The following SLCO1C1 variants were observed in gnomAD, a reference collection of about 807,000 sequenced individuals.
SLCO1C1 encodes the protein solute carrier organic anion transporter family member 1C1.
In SLCO1C1, 70 loss-of-function variants were observed where a neutral mutation model predicts 76.4. The observed-to-expected ratio is 0.92, with a 90% CI of 0.76 to 1.12. SLCO1C1 has a LOEUF of 1.12. Among genes scored for constraint, SLCO1C1 ranks in the 50% most tolerant of loss-of-function variants. The probability of loss-of-function intolerance (pLI) is 0.00; values close to 1 mark genes in which losing one functional copy is unlikely to be tolerated. For missense variants in SLCO1C1, 912 were observed against 823.8 expected, an observed-to-expected ratio of 1.11 and a Z score of -1.31; for synonymous variants, 306 against 286.1, an observed-to-expected ratio of 1.07 and a Z score of -0.70.
chr12:20,696,465 C>T (rs34000404), intron 1 of SLCO1C1, among the ~76,000 whole-genome samples: 4,824 of 152,188 alleles, frequency 0.032, 104 homozygotes, highest in Middle Eastern at 0.058. Flanking sequence ...GATCTAACTA[C>T]AACCTTCCTA....
intron 12 of SLCO1C1, 142 bp from the exon 13 acceptor site, chr12:20,743,163 A>G: frequency 4.5e-6 from 3 of 660,856 alleles, no homozygotes; most frequent in South Asian, 2.3e-5. Context: ...TGCCCTCCCT[A>G]TGTTAGCACA....
chr12:20,725,812 T>C (rs1333327381), intron 9 of SLCO1C1, among the ~76,000 whole-genome samples: 1 of 151,936 alleles, frequency 6.6e-6, no homozygotes, highest in Non-Finnish European at 1.5e-5. Flanking sequence ...CACTTGGAAT[T>C]GTCAATTCTT....
At chr12:20,717,040 C>A (rs1390992970) in intron 6 of SLCO1C1, 92 bp from the exon 7 acceptor site, 6 of 1,118,518 alleles carry the variant, frequency 5.4e-6, no homozygotes, top group Middle Eastern at 2.1e-4. Context: ...GAGCTACTGA[C>A]TGGATCACAC....
At chr12:20,730,237 T>C (rs569684144) in intron 9 of SLCO1C1, among the ~76,000 whole-genome samples, 1 of 152,332 alleles carries the variant, frequency 6.6e-6, no homozygotes, top group South Asian at 2.1e-4. Flanking sequence ...GACCCTGCTG[T>C]TTGTGTCAGC....
intron 10 of SLCO1C1, among the ~76,000 whole-genome samples, chr12:20,735,645 G>C (rs750020073): frequency 3.9e-5 from 6 of 151,958 alleles, no homozygotes; most frequent in Admixed American, 6.6e-5. Flanking sequence ...ACACTATTTG[G>C]AGACATCTCA....
chr12:20,711,850 T>G lies in SLCO1C1; in HGVS notation c.529+340T>G, dbSNP rs139794889. On this transcript the variant is annotated intron_variant, in intron 5 of 14. Coordinates refer to ENST00000266509, the MANE Select transcript of SLCO1C1 (RefSeq NM_017435.5). ...TTGCTCAGATATGAAAGAAGTATAATTTTTCCCGTAAGTCAACTTAATTTC... is the reference window on the plus strand; with the variant it reads ...TTGCTCAGATATGAAAGAAGTATAAGTTTTCCCGTAAGTCAACTTAATTTC... 1.3e-4 allele frequency among the ~76,000 whole-genome samples: 20 copies of G among 152,324 alleles called. No individual in the cohort carries two copies. The East Asian group carries it at 3.7e-3, about 28-fold the overall frequency.
chr12:20,727,634 C>T (rs546505066), intron 9 of SLCO1C1, among the ~76,000 whole-genome samples: 2 of 152,284 alleles, frequency 1.3e-5, no homozygotes, highest in South Asian at 2.1e-4. Flanking sequence ...TTCAGCTTCC[C>T]GAGTAGCTGG....
chr12:20,701,564 C>T, intron 3 of SLCO1C1, 105 bp downstream of exon 3: 1 of 619,684 alleles, frequency 1.6e-6, no homozygotes. Flanking sequence ...AGACTCTATT[C>T]ATAAAATCTT....
intron 7 of SLCO1C1, 89 bp from the exon 8 acceptor site, chr12:20,721,715 G>C: frequency 7.0e-7 from 1 of 1,420,210 alleles, no homozygotes; most frequent in African/African-American, 1.5e-5. Context: ...TGATGTTATA[G>C]AGTTTTGCAA....
intron 9 of SLCO1C1, among the ~76,000 whole-genome samples, chr12:20,725,049 TATTA>T (rs943263270): frequency 5.1e-5 from 7 of 137,788 alleles, no homozygotes; most frequent in South Asian, 2.2e-4. Flanking sequence ...ATATAATATG[TATTA>T]ATTATATATT....
At chr12:20,741,675 T>C (rs1458566905) in intron 12 of SLCO1C1, among the ~76,000 whole-genome samples, 1 of 152,180 alleles carries the variant, frequency 6.6e-6, no homozygotes, top group African/African-American at 2.4e-5. Context: ...TTTCCTATCA[T>C]ACATCTGTAA....
intron 2 of SLCO1C1, among the ~76,000 whole-genome samples, chr12:20,701,082 G>A (rs35123559): frequency 0.034 from 5,233 of 152,096 alleles, 119 homozygotes; most frequent in Middle Eastern, 0.058. Context: ...TACACATTTC[G>A]CATAAAAACC....
Position 20,721,882 on chromosome 12 carries a change from GTCT to G in SLCO1C1, c.859_861del (p.Leu287del). ...GGCTATCTAATAGCAGGAATCATAA[GTCT>G]TCTTGCAGCTGTGCCTTTCTGGTAT... On this transcript the variant is annotated inframe_deletion, in exon 8 of 15. Coordinates refer to ENST00000266509, the MANE Select transcript of SLCO1C1 (RefSeq NM_017435.5). 1.2e-6 allele frequency: 2 copies of G among 1,614,166 alleles called. No individual in the cohort carries two copies. The highest frequency in any genetic ancestry group is 1.1e-5 in the South Asian group (1 of 91,086).
intron 3 of SLCO1C1, among the ~76,000 whole-genome samples, chr12:20,704,078 T>C: frequency 6.6e-6 from 1 of 151,518 alleles, no homozygotes; most frequent in East Asian, 1.9e-4. Flanking sequence ...ACCTGTTTTT[T>C]TGTGAGAGGC....
rs200993713 is a variant in SLCO1C1 at position 20,705,941 on chromosome 12, C to T, written c.272-8C>T. ...CTAATTTATGATGTTTTATTCTTTT[C>T]CTCAAAGGGAATCTCTTAGTTATAA... is the stretch of plus-strand genomic sequence containing the variant. On this transcript the variant is annotated splice_region_variant and splice_polypyrimidine_tract_variant and intron_variant, in intron 3 of 14. Coordinates refer to ENST00000266509, the MANE Select transcript of SLCO1C1 (RefSeq NM_017435.5). 4.3e-4 allele frequency: 688 copies of T among 1,611,800 alleles called. 7 individuals carry two copies. In the Middle Eastern group the frequency reaches 0.011, roughly 27 times the overall value.
chr12:20,713,751 C>A (rs926916925), intron 5 of SLCO1C1, among the ~76,000 whole-genome samples: 1 of 152,154 alleles, frequency 6.6e-6, no homozygotes, highest in Non-Finnish European at 1.5e-5. Flanking sequence ...TACAGTAGCC[C>A]CTAGCTGCAT....
intron 14 of SLCO1C1, 183 bp downstream of exon 14, chr12:20,750,975 G>T: frequency 1.6e-6 from 2 of 1,233,062 alleles, no homozygotes; most frequent in Non-Finnish European, 2.3e-6. Flanking sequence ...CTTTGATTTT[G>T]TCCCTATTCA....
At chr12:20,729,015 T>C (rs1270680583) in intron 9 of SLCO1C1, among the ~76,000 whole-genome samples, 1 of 152,224 alleles carries the variant, frequency 6.6e-6, no homozygotes, top group African/African-American at 2.4e-5. Context: ...TGTAAATTAA[T>C]ATTTCCATTT....
chr12:20,725,244 TA>T (rs1357538839), intron 9 of SLCO1C1, among the ~76,000 whole-genome samples: 1 of 139,542 alleles, frequency 7.2e-6, no homozygotes, highest in African/African-American at 2.6e-5. Flanking sequence ...AAAATACAAA[TA>T]AAAATATGTA....
Sources: allele counts gnomAD v4.1 joint callset (sites outside exome capture counted in the v4.1 genomes callset), GRCh38; gene constraint gnomAD v4.1.1; transcripts MANE v1.5; gene names NCBI Gene and HGNC (gene_info 2026-07-23, HGNC 2026-07-21).